PITPNM3: variants seen among roughly 807,000 people sequenced by gnomAD.
The protein encoded by PITPNM3 is membrane-associated phosphatidylinositol transfer protein 3.
Under a neutral mutation model 102.0 loss-of-function variants are expected in PITPNM3, and 26 were observed. The ratio of observed to expected loss-of-function variants is 0.25; its 90% CI spans 0.19 to 0.35. The LOEUF (loss-of-function observed/expected upper bound fraction) is 0.35. Among genes scored for constraint, PITPNM3 ranks in the 10% least tolerant of loss-of-function variants. The probability of loss-of-function intolerance (pLI) is 1.00; values close to 1 mark genes in which losing one functional copy is unlikely to be tolerated. For synonymous variants in PITPNM3, 578 were observed against 558.6 expected (o/e 1.03, Z -0.49); for missense variants, 1,083 against 1,346.1 (o/e 0.80, Z 3.06).
Position 6,461,467 on chromosome 17 carries a change from T to TG in PITPNM3, c.2395dup (p.His799ProfsTer17). ...GAAGATCATGCCCTGTGGGAAGTTG[T>TG]GCTGGGACAGCCACGACACCACCCG... is the stretch of plus-strand genomic sequence containing the variant. On this transcript the variant is annotated frameshift_variant, in exon 18 of 20. Coordinates refer to ENST00000262483, the MANE Select transcript of PITPNM3 (RefSeq NM_031220.4). LOFTEE classifies it high-confidence loss of function. 6.2e-7 allele frequency: 1 copy of TG among 1,614,180 alleles called. No homozygotes were observed. Among genetic ancestry groups the TG allele is most frequent in the Non-Finnish European group, 8.5e-7 (1 of 1,180,028 alleles).
intron 4 of PITPNM3, among the ~76,000 whole-genome samples, chr17:6,484,998 C>T (rs2150584060): frequency 6.6e-6 from 1 of 152,226 alleles, no homozygotes; most frequent in Non-Finnish European, 1.5e-5. Context: ...CCATTTTCTC[C>T]CCCGGTTCTC....
chr17:6,490,655 T>G (rs1385348048), intron 4 of PITPNM3, among the ~76,000 whole-genome samples: 1 of 151,816 alleles, frequency 6.6e-6, no homozygotes, highest in African/African-American at 2.4e-5. Flanking sequence ...TTGAGGACCC[T>G]TAGAAAAGGA....
At chr17:6,485,400 C>T (rs150432656) in intron 4 of PITPNM3, among the ~76,000 whole-genome samples, 3,977 of 151,990 alleles carry the variant, frequency 0.026, 178 homozygotes, top group African/African-American at 0.09. Context: ...TCAAGTGATC[C>T]GCCCACCTCG....
At chr17:6,495,178 G>T (rs926284819) in intron 4 of PITPNM3, among the ~76,000 whole-genome samples, 1 of 152,146 alleles carries the variant, frequency 6.6e-6, no homozygotes, top group Non-Finnish European at 1.5e-5. Context: ...AATTGTGTGC[G>T]CTGGAAGACA....
At chr17:6,503,915 C>T (rs12600382) in intron 3 of PITPNM3, among the ~76,000 whole-genome samples, 47,477 of 151,846 alleles carry the variant, frequency 0.31, 7,454 homozygotes, top group South Asian at 0.4. Flanking sequence ...ACTCTCTCCT[C>T]TGAGGGTCCA....
intron 3 of PITPNM3, among the ~76,000 whole-genome samples, chr17:6,507,722 G>C (rs561236305): frequency 6.6e-6 from 1 of 152,104 alleles, no homozygotes; most frequent in African/African-American, 2.4e-5. Flanking sequence ...GGCATTTCTC[G>C]GGCATCTACT....
chr17:6,543,139 G>A (rs1909816336), intron 1 of PITPNM3, among the ~76,000 whole-genome samples: 1 of 152,228 alleles, frequency 6.6e-6, no homozygotes, highest in African/African-American at 2.4e-5. Context: ...TGCCAGCACA[G>A]CTCCGAGCTG....
At chr17:6,525,761 A>T (rs975532568) in intron 2 of PITPNM3, among the ~76,000 whole-genome samples, 1 of 152,234 alleles carries the variant, frequency 6.6e-6, no homozygotes, top group Admixed American at 6.5e-5. Context: ...TATCTCTTGA[A>T]AGTCAGTGTG....
chr17:6,465,694 G>A (rs572162621), intron 14 of PITPNM3, among the ~76,000 whole-genome samples: 3 of 152,068 alleles, frequency 2.0e-5, no homozygotes, highest in Non-Finnish European at 4.4e-5. Context: ...TGGACGCTGC[G>A]TCATTTTATC....
intron 9 of PITPNM3, among the ~76,000 whole-genome samples, chr17:6,476,684 G>GC (rs1905316501): frequency 6.6e-6 from 1 of 152,238 alleles, no homozygotes; most frequent in South Asian, 2.1e-4. Flanking sequence ...CACAGTCACA[G>GC]CAATTACTCC....
In PITPNM3 at chr17:6,499,790, G is replaced by A. The variant is rs1024470463; in HGVS notation, c.274+3737C>T. Among the ~76,000 whole-genome samples the A allele has an allele frequency of 3.9e-5, 6 of 152,036 alleles. No individual in the cohort carries two copies. The East Asian group carries it at 9.6e-4, about 24-fold the overall frequency. ...TCTGTTGCCAGGCTGGAGTGCAGTG[G>A]CACAATCTCGGCTCACTGCAACTTC... On this transcript the variant is annotated intron_variant, in intron 4 of 19. Transcript: ENST00000262483.
intron 10 of PITPNM3, among the ~76,000 whole-genome samples, chr17:6,474,149 C>T (rs538013322): frequency 6.6e-6 from 1 of 151,888 alleles, no homozygotes; most frequent in Non-Finnish European, 1.5e-5. Flanking sequence ...CTTCTCTTCC[C>T]CATAGGGCGT....
At chr17:6,507,902 C>T (rs1395073192) in intron 3 of PITPNM3, among the ~76,000 whole-genome samples, 1 of 152,040 alleles carries the variant, frequency 6.6e-6, no homozygotes, top group Non-Finnish European at 1.5e-5. Flanking sequence ...ATGACTTAGC[C>T]TGGGCAGGAT....
In PITPNM3 at chr17:6,484,195, AC is replaced by A; in HGVS notation, c.351+20del. 1 of 1,580,212 alleles carries A rather than the reference AC, an allele frequency of 6.3e-7. No individual in the cohort carries two copies. Among genetic ancestry groups the A allele is most frequent in the South Asian group, 1.1e-5 (1 of 90,366 alleles). ...CCTGGCCTCTGAGTTGAGCCCAGAC[AC>A]CCTCCGAAGCCCAGCCTACCTCGCT... is the stretch of plus-strand genomic sequence containing the variant. On this transcript the variant is annotated intron_variant, in intron 5 of 19. Coordinates refer to ENST00000262483, the MANE Select transcript of PITPNM3 (RefSeq NM_031220.4).
intron 17 of PITPNM3, among the ~76,000 whole-genome samples, chr17:6,463,421 G>GGGAGGCAGGGAGGGAAGGAT: frequency 6.6e-6 from 1 of 151,900 alleles, no homozygotes; most frequent in Non-Finnish European, 1.5e-5. Flanking sequence ...AGTGCAGGGA[G>GGGAGGCAGGGAGGGAAGGAT]GGAGGCAGGG....
At chr17:6,487,222 C>T (rs1357121935) in intron 4 of PITPNM3, among the ~76,000 whole-genome samples, 1 of 152,152 alleles carries the variant, frequency 6.6e-6, no homozygotes, top group African/African-American at 2.4e-5. Flanking sequence ...CATCTTGGCT[C>T]TTATCAGCTG....
chr17:6,471,578 C>T (rs1423751303), intron 11 of PITPNM3, among the ~76,000 whole-genome samples: 2 of 152,244 alleles, frequency 1.3e-5, no homozygotes. Context: ...CCGCATTTAC[C>T]TCCTTGCAGC....
At chr17:6,547,707 A>G (rs1308865688) in intron 1 of PITPNM3, among the ~76,000 whole-genome samples, 1 of 151,960 alleles carries the variant, frequency 6.6e-6, no homozygotes, top group Non-Finnish European at 1.5e-5. Context: ...AGACTCCTCA[A>G]AGGACGCTGG....
In PITPNM3 at chr17:6,470,614, G is replaced by A. The variant is rs1413255645; in HGVS notation, c.1625-206C>T. Among the ~76,000 whole-genome samples the A allele has an allele frequency of 1.3e-5, 2 of 152,162 alleles. No individual in the cohort carries two copies. The highest frequency in any genetic ancestry group is 2.9e-5 in the Non-Finnish European group (2 of 68,032). ...AAACCCACCAGCCCTCCCCTAAGAT[G>A]TGCGTGCCAAGCCCATGCCCAGGAA... is the stretch of plus-strand genomic sequence containing the variant. On this transcript the variant is annotated intron_variant, in intron 12 of 19. Transcript: ENST00000262483. This position sits in a 1 kb window ranked among gnomAD's most constrained non-coding sequence, Gnocchi z 4.8.
Sources: allele counts gnomAD v4.1 joint callset (sites outside exome capture counted in the v4.1 genomes callset), GRCh38; gene constraint gnomAD v4.1.1; non-coding constraint Gnocchi (gnomAD v3.1); transcripts MANE v1.5; gene names NCBI Gene and HGNC (gene_info 2026-07-23, HGNC 2026-07-21).